The following SLC6A17 variants were observed in gnomAD, a reference collection of about 807,000 sequenced individuals.
SLC6A17 encodes sodium-dependent neutral amino acid transporter SLC6A17.
Under a neutral mutation model 64.5 loss-of-function variants are expected in SLC6A17, and 21 were observed. The ratio of observed to expected loss-of-function variants is 0.33; its 90% CI spans 0.23 to 0.47. The LOEUF (loss-of-function observed/expected upper bound fraction) is 0.47. SLC6A17 is among the 20% of genes least tolerant of loss of function. SLC6A17 has a pLI of 1.00. For missense variants in SLC6A17, 682 were observed against 963.2 expected (o/e 0.71, Z 3.86); for synonymous variants, 372 against 399.5 (o/e 0.93, Z 0.82).
intron 1 of SLC6A17, among the ~76,000 whole-genome samples, chr1:110,164,336 G>A (rs1655991501): frequency 6.6e-6 from 1 of 152,218 alleles, no homozygotes; most frequent in Admixed American, 6.5e-5. Context: ...GCTCTGTTCA[G>A]GGTGTTAGGA....
At chr1:110,171,611 C>G (rs548098358) in intron 2 of SLC6A17, among the ~76,000 whole-genome samples, 16 of 152,168 alleles carry the variant, frequency 1.1e-4, no homozygotes, top group African/African-American at 3.6e-4. Flanking sequence ...GCTGGGAAGG[C>G]TGCACCCGGT....
chr1:110,191,597 A>C (rs1365643304), intron 6 of SLC6A17, among the ~76,000 whole-genome samples: 1 of 152,200 alleles, frequency 6.6e-6, no homozygotes, highest in Non-Finnish European at 1.5e-5. Context: ...CACCTGTCAC[A>C]CTGTAGTCCA....
intron 6 of SLC6A17, among the ~76,000 whole-genome samples, chr1:110,182,890 C>T (rs899859173): frequency 4.6e-5 from 7 of 151,946 alleles, no homozygotes; most frequent in Non-Finnish European, 1.5e-5. Flanking sequence ...TAATAGATAC[C>T]AGTTATTCTC....
intron 1 of SLC6A17, among the ~76,000 whole-genome samples, chr1:110,151,195 T>G (rs561673001): frequency 1.3e-5 from 2 of 152,320 alleles, no homozygotes; most frequent in African/African-American, 4.8e-5. Flanking sequence ...TGGGCTTAGC[T>G]GCGGAGGCAA....
At chr1:110,162,467 G>A (rs1310889058) in intron 1 of SLC6A17, among the ~76,000 whole-genome samples, 1 of 152,220 alleles carries the variant, frequency 6.6e-6, no homozygotes, top group Non-Finnish European at 1.5e-5. Flanking sequence ...TAGGGCAATA[G>A]TACCAGTTTG....
Position 110,167,229 on chromosome 1 carries a change from C to G in SLC6A17, c.286+14C>G. The stretch of plus-strand genomic sequence containing the variant: ...AAAATGGAGGAGGTAAGAGACAGCT[C>G]TGCCTGCATCAGGGGTCCCCTGCAA... On this transcript the variant is annotated intron_variant, in intron 2 of 11. Coordinates refer to ENST00000331565, the MANE Select transcript of SLC6A17 (RefSeq NM_001010898.4). The G allele has an allele frequency of 1.2e-6, 2 of 1,601,698 alleles. No homozygotes were observed. The highest frequency in any genetic ancestry group is 1.7e-6 in the Non-Finnish European group (2 of 1,171,802).
At chr1:110,162,343 C>G (rs1356848984) in intron 1 of SLC6A17, among the ~76,000 whole-genome samples, 1 of 152,228 alleles carries the variant, frequency 6.6e-6, no homozygotes, top group Non-Finnish European at 1.5e-5. Context: ...GCTTCTTGCT[C>G]ACACCCATAA....
At chr1:110,166,734 T>C in intron 1 of SLC6A17, 109 bp from the exon 2 acceptor site, 1 of 624,852 alleles carries the variant, frequency 1.6e-6, no homozygotes, top group Non-Finnish European at 2.6e-6. Flanking sequence ...ATGAGGCCCT[T>C]GACCTGCCTC....
intron 3 of SLC6A17, 65 bp from the exon 4 acceptor site, chr1:110,173,895 GCTGGGCCTCGGGT>G: frequency 2.0e-6 from 3 of 1,525,564 alleles, no homozygotes; most frequent in Admixed American, 4.0e-5. Flanking sequence ...CTGCCGACGT[GCTGGGCCTCGGGT>G]GGAGCGTGGG....
intron 1 of SLC6A17, among the ~76,000 whole-genome samples, chr1:110,155,405 A>C (rs1655729581): frequency 6.6e-6 from 1 of 152,242 alleles, no homozygotes; most frequent in African/African-American, 2.4e-5. Context: ...ATGCAATATG[A>C]ATTACTGTAT....
chr1:110,162,816 C>T (rs986056483), intron 1 of SLC6A17, among the ~76,000 whole-genome samples: 6 of 151,922 alleles, frequency 3.9e-5, no homozygotes, highest in Non-Finnish European at 7.4e-5. Context: ...TCTTGGGTGC[C>T]GGCATGGTTC....
At chr1:110,161,785 T>C (rs1293930548) in intron 1 of SLC6A17, among the ~76,000 whole-genome samples, 2 of 152,088 alleles carry the variant, frequency 1.3e-5, no homozygotes, top group African/African-American at 4.8e-5. Flanking sequence ...CCGGCTGCTG[T>C]GGGGTGGAGG....
chr1:110,152,930 G>T (rs988159879), intron 1 of SLC6A17, among the ~76,000 whole-genome samples: 22 of 152,290 alleles, frequency 1.4e-4, no homozygotes, highest in Admixed American at 5.9e-4. Flanking sequence ...ACACATGAAG[G>T]TTCGGTGCTT....
At chr1:110,174,392 C>T (rs180795163) in intron 4 of SLC6A17, among the ~76,000 whole-genome samples, 4 of 152,322 alleles carry the variant, frequency 2.6e-5, no homozygotes, top group Admixed American at 1.3e-4. Flanking sequence ...GGCCCAGAAG[C>T]GACTTTCCCA....
chr1:110,189,406 C>T (rs367859662), intron 6 of SLC6A17, among the ~76,000 whole-genome samples: 2 of 152,108 alleles, frequency 1.3e-5, no homozygotes, highest in Non-Finnish European at 2.9e-5. Context: ...CAGTCCATCC[C>T]GAAGGTCTCC....
intron 6 of SLC6A17, among the ~76,000 whole-genome samples, chr1:110,185,147 C>A (rs1189719776): frequency 6.6e-6 from 1 of 152,198 alleles, no homozygotes; most frequent in East Asian, 1.9e-4. Context: ...CATCACTCAG[C>A]AGTTGTTGGG....
intron 1 of SLC6A17, among the ~76,000 whole-genome samples, chr1:110,155,235 A>C (rs1655725257): frequency 6.6e-6 from 1 of 152,192 alleles, no homozygotes; most frequent in Admixed American, 6.5e-5. Flanking sequence ...CATTTTGTGG[A>C]GATAAGTCCT....
chr1:110,198,442 T>C lies in SLC6A17; in HGVS notation c.2182T>C (p.Ter728ArgextTer25). The C allele has an allele frequency of 6.2e-7, 1 of 1,603,390 alleles. No individual in the cohort carries two copies. Among genetic ancestry groups the C allele is most frequent in the Non-Finnish European group, 8.5e-7 (1 of 1,174,384 alleles). The part of the protein sequence containing the change: ...LLASTPESEL[*>R] ...GGCCAGCACCCCTGAGTCGGAGCTG[T>C]GACCACTGCCCAAGCCCTGCCCGCC... The change falls in exon 12 of 12, where the codon TGA becomes CGA. Residue 728 changes from the stop codon to arginine, a stop_lost. Coordinates refer to ENST00000331565, the MANE Select transcript of SLC6A17 (RefSeq NM_001010898.4).
At position 110,196,514 on chromosome 1, in the gene SLC6A17, C is replaced by CTGTGG. The variant is rs150973870; in HGVS notation, c.1652+770_1652+774dup. ...AAGGACACTCCTCTGCTTCCACCTGCTGTGGGCCAGGGCTGTAAGACACTG... is the reference window on the plus strand; with the variant it reads ...AAGGACACTCCTCTGCTTCCACCTGCTGTGGTGTGGGCCAGGGCTGTAAGACACTG... On this transcript the variant is annotated intron_variant, in intron 10 of 11. Transcript: ENST00000331565. 8.8e-3 allele frequency among the ~76,000 whole-genome samples: 1,345 copies of CTGTGG among 152,274 alleles called. 8 individuals are homozygous for CTGTGG. The highest frequency in any genetic ancestry group is 0.02 in the Middle Eastern group (6 of 294).
Sources: gnomAD v4.1 joint callset for allele counts (sites outside exome capture counted in the v4.1 genomes callset) on GRCh38, gnomAD v4.1.1 for gene constraint, MANE v1.5 for transcripts, NCBI Gene and HGNC (gene_info 2026-07-23, HGNC 2026-07-21) for gene names.